CEP350: variants seen among roughly 807,000 people sequenced by gnomAD.
The protein encoded by CEP350 is centrosomal protein 350, also known as centrosome-associated protein 350.
In CEP350, 126 loss-of-function variants were observed where a neutral mutation model predicts 331.8. The observed-to-expected ratio is 0.38, with a 90% CI of 0.33 to 0.44. CEP350 has a LOEUF of 0.44. Among genes scored for constraint, CEP350 ranks in the 20% least tolerant of loss-of-function variants. The pLI, the probability that CEP350 is intolerant of heterozygous loss-of-function variation, is 1.00. For missense variants in CEP350, 3,406 were observed against 3,634.6 expected (o/e 0.94, Z 1.62); for synonymous variants, 1,200 against 1,259.5 (o/e 0.95, Z 1.00).
At chr1:179,955,275 G>A (rs1650082947) in intron 1 of CEP350, 133 bp downstream of exon 1, 6 of 949,288 alleles carry the variant, frequency 6.3e-6, no homozygotes, top group East Asian at 2.0e-4. Context: ...CCTGCTTGGC[G>A]TCCCCCTCGG....
chr1:180,105,939 A>G lies in CEP350; in HGVS notation c.9190-5058A>G, dbSNP rs948139961. On this transcript the variant is annotated intron_variant, in intron 37 of 37. Transcript: ENST00000367607. ...ATAAAATGCAAATAATTTTTTAGAC[A>G]TAAAGGCCTCTGTTAGCCAAATGAG... 3.3e-5 allele frequency among the ~76,000 whole-genome samples: 5 copies of G among 152,358 alleles called. No homozygotes were observed. The South Asian group carries it at 1.0e-3, about 32-fold the overall frequency.
rs35572192 is a variant in CEP350, at chr1:180,063,186, C to CTTT, written c.5409+839_5409+841dup. Among the ~76,000 whole-genome samples the CTTT allele has an allele frequency of 2.0e-3, 216 of 106,926 alleles. 1 individual carries two copies. The highest frequency in any genetic ancestry group is 4.6e-3 in the East Asian group (16 of 3,496). The allele number at this position is 106,926 out of a possible 152,430, so 70.1% of individuals were successfully genotyped here. On this transcript the variant is annotated intron_variant, in intron 26 of 37. Coordinates refer to ENST00000367607, the MANE Select transcript of CEP350 (RefSeq NM_014810.5). ...TATTAGACAAAAACAAAATTTGAAA[C>CTTT]TTTTTTTTTTTTTTTTTTTTTGGAG...
Position 180,019,934 on chromosome 1 carries a change from G to T in CEP350, c.2175-15G>T. On this transcript the variant is annotated splice_polypyrimidine_tract_variant and intron_variant, in intron 11 of 37. Coordinates refer to ENST00000367607, the MANE Select transcript of CEP350 (RefSeq NM_014810.5). The stretch of plus-strand genomic sequence containing the variant: ...GTGGTTTAGTTAACTAACATATTGT[G>T]ACTTTCATTTCCAGAAAAGACTTGA... 6.4e-7 allele frequency: 1 copy of T among 1,553,822 alleles called. No homozygotes were observed. Among genetic ancestry groups the T allele is most frequent in the South Asian group, 1.2e-5 (1 of 80,410 alleles).
At chr1:180,010,521 C>G (rs1381068422) in intron 8 of CEP350, among the ~76,000 whole-genome samples, 1 of 149,740 alleles carries the variant, frequency 6.7e-6, no homozygotes, top group Non-Finnish European at 1.5e-5. Flanking sequence ...AAAAATGTTA[C>G]AATAATTTAA....
chr1:180,037,047 A>C lies in CEP350; in HGVS notation c.4068A>C (p.Ser1356=). The C allele has an allele frequency of 6.2e-7, 1 of 1,605,686 alleles. No homozygotes were observed. Among genetic ancestry groups the C allele is most frequent in the South Asian group, 1.1e-5 (1 of 89,072 alleles). Reference sequence around the variant, plus strand: ...ATGTAGAAAGAGTTAGAGGCATTTCACTTGCTCAGCAGGAGAGTGTGTCTC... The same window carrying C: ...ATGTAGAAAGAGTTAGAGGCATTTCCCTTGCTCAGCAGGAGAGTGTGTCTC... The part of the protein sequence containing the change: ...LSDVERVRGI[S]LAQQESVSLA... The change falls in exon 17 of 38, where the codon TCA becomes TCC. Residue 1356 remains serine, a synonymous_variant. Transcript: ENST00000367607.
rs568617101 is a variant in CEP350, at chr1:180,093,801, A to G, written c.7696A>G (p.Ile2566Val). 3.1e-6 allele frequency: 5 copies of G among 1,613,860 alleles called. No homozygotes were observed. The highest frequency in any genetic ancestry group is 4.2e-6 in the Non-Finnish European group (5 of 1,179,870). ...IFAPPQKISH[I>V]PENFDDYVDI... ...TGCTCCTCCTCAAAAAATATCTCAC[A>G]TTCCAGAAAACTTTGATGACTATGT... is the stretch of plus-strand genomic sequence containing the variant. The change falls in exon 34 of 38, where the codon ATT becomes GTT. Residue 2566 changes from isoleucine to valine, a missense_variant. By Grantham distance (29) the Ile-to-Val change is conservative. Coordinates refer to ENST00000367607, the MANE Select transcript of CEP350 (RefSeq NM_014810.5).
At chr1:180,052,256 C>T in intron 22 of CEP350, 1 of 451,964 alleles carries the variant, frequency 2.2e-6, no homozygotes, top group South Asian at 1.6e-5. Context: ...CCAGGCTGGT[C>T]TCGAACTCCT....
In CEP350 at chr1:180,020,313, G is replaced by A; in HGVS notation, c.2539G>A (p.Ala847Thr). The A allele has an allele frequency of 6.2e-7, 1 of 1,613,990 alleles. No homozygotes were observed. The highest frequency in any genetic ancestry group is 8.5e-7 in the Non-Finnish European group (1 of 1,179,900). Residue 847 changes from alanine to threonine, a missense_variant, in exon 12 of 38, where the codon GCT (alanine) becomes ACT (threonine). Physicochemically the swap from Ala to Thr is moderately conservative, Grantham distance 58. Coordinates refer to ENST00000367607, the MANE Select transcript of CEP350 (RefSeq NM_014810.5). ...SRIESEAKKL[A>T]GASINYGSAW... ...AATTGAAAGTGAAGCCAAGAAATTAGCTGGGGCCAGCATTAACTATGGGTC... is the reference window on the plus strand; with the variant it reads ...AATTGAAAGTGAAGCCAAGAAATTAACTGGGGCCAGCATTAACTATGGGTC...
In CEP350 at chr1:180,093,668, T is replaced by G; in HGVS notation, c.7563T>G (p.Phe2521Leu). ...TTCGATTCAAAGGTGAGACTAGTTTTGCTAAAGGATTTTGGGCCGGAGTGG... is the reference window on the plus strand; with the variant it reads ...TTCGATTCAAAGGTGAGACTAGTTTGGCTAAAGGATTTTGGGCCGGAGTGG... ...GILRFKGETS[F>L]AKGFWAGVEL... Residue 2521 changes from phenylalanine (F) to leucine (L), a missense_variant, in exon 34 of 38, where the codon TTT becomes TTG. Coordinates refer to ENST00000367607, the MANE Select transcript of CEP350 (RefSeq NM_014810.5). The G allele has an allele frequency of 6.2e-7, 1 of 1,614,002 alleles. No homozygotes were observed. The highest frequency in any genetic ancestry group is 8.5e-7 in the Non-Finnish European group (1 of 1,179,870).
At chr1:180,030,280 C>T (rs201156984) in intron 14 of CEP350, among the ~76,000 whole-genome samples, 14 of 128,548 alleles carry the variant, frequency 1.1e-4, no homozygotes, top group East Asian at 6.3e-4. Flanking sequence ...AAAATTTTAA[C>T]GTATATATAC....
intron 32 of CEP350, among the ~76,000 whole-genome samples, chr1:180,088,724 C>G (rs1558151222): frequency 2.0e-5 from 3 of 152,150 alleles, no homozygotes; most frequent in Admixed American, 2.0e-4. Context: ...TATTTAACCG[C>G]TCTGTGCTTC....
intron 25 of CEP350, 68 bp from the exon 26 acceptor site, chr1:180,062,152 T>G (rs1658265461): frequency 7.4e-7 from 1 of 1,344,072 alleles, no homozygotes; most frequent in East Asian, 2.8e-5. Context: ...GCTGATTTTT[T>G]TTTTAAATAT....
At chr1:180,079,996 A>G (rs1659462591) in intron 29 of CEP350, among the ~76,000 whole-genome samples, 2 of 152,194 alleles carry the variant, frequency 1.3e-5, no homozygotes, top group Admixed American at 6.5e-5. Flanking sequence ...TCCCCAAGCT[A>G]GGAAATTTGC....
intron 6 of CEP350, among the ~76,000 whole-genome samples, chr1:180,002,657 G>A (rs1653944340): frequency 6.6e-6 from 1 of 152,050 alleles, no homozygotes; most frequent in Non-Finnish European, 1.5e-5. Context: ...GTTCATAGCA[G>A]CATTGTTAAT....
At position 179,994,457 on chromosome 1, in the gene CEP350, T is replaced by G. The variant is rs1287662451; in HGVS notation, c.396-2096T>G. 4.0e-5 allele frequency among the ~76,000 whole-genome samples: 4 copies of G among 100,818 alleles called. No homozygotes were observed. The East Asian group carries it at 9.3e-4, about 23-fold the overall frequency. The allele number at this position is 100,818 out of a possible 152,430, so 66.1% of individuals were successfully genotyped here. A position where few individuals can be genotyped will look rare whatever the true frequency, so the allele number is the denominator to read the frequency against. Reference sequence around the variant, plus strand: ...TTTTCTTTTCTTTTTTCTTTCTTTCTTTTTTTTTTTTTTTGAGACAGTGTC... The same window carrying G: ...TTTTCTTTTCTTTTTTCTTTCTTTCGTTTTTTTTTTTTTTGAGACAGTGTC... On this transcript the variant is annotated intron_variant, in intron 5 of 37. Transcript: ENST00000367607.
chr1:180,096,238 A>C, intron 36 of CEP350, 54 bp downstream of exon 36: 3 of 1,498,842 alleles, frequency 2.0e-6, no homozygotes, highest in Non-Finnish European at 2.7e-6. Flanking sequence ...TCATTTACAC[A>C]TATCTGTAAA....
At position 180,036,935 on chromosome 1, in the gene CEP350, G is replaced by A. The variant is rs576978069; in HGVS notation, c.3956G>A (p.Arg1319His). 1.4e-5 allele frequency: 22 copies of A among 1,568,632 alleles called. No homozygotes were observed. In the East Asian group the frequency reaches 3.0e-4, roughly 21 times the overall value. ...TTGTCATGCCTTCCAGGTTCTAAGC[G>A]CTTTTCTCCTGCTGGCCTCCATCAT... The part of the protein sequence containing the change: ...ENMAPIPGSK[R>H]FSPAGLHHRM... Residue 1319 changes from arginine to histidine, a missense_variant, in exon 17 of 38, where the codon CGC (arginine) becomes CAC (histidine). Physicochemically the swap from Arg to His is conservative, Grantham distance 29 (BLOSUM62 0). This residue lies in a region of CEP350 where 1,857 missense variants were observed against 1,909.2 expected (regional missense o/e 0.97). Transcript: ENST00000367607.
At chr1:180,008,311 T>C (rs533066982) in intron 8 of CEP350, among the ~76,000 whole-genome samples, 1 of 152,290 alleles carries the variant, frequency 6.6e-6, no homozygotes, top group South Asian at 2.1e-4. Flanking sequence ...AATGAGCTAA[T>C]TTTAGTGTGC....
At position 180,098,974 on chromosome 1, in the gene CEP350, G is replaced by A; in HGVS notation, c.9178G>A (p.Asp3060Asn). The change falls in exon 37 of 38, where the codon GAT (aspartate) becomes AAT (asparagine). Residue 3060 changes from aspartate (D) to asparagine (N), a missense_variant. Coordinates refer to ENST00000367607, the MANE Select transcript of CEP350 (RefSeq NM_014810.5). ...TGGAAGAAAGAAAAGAGACCGAGTG[G>A]ATCATATCCTGGTCAGTGTATACAA... ...KFGRKKRDRVDHILVQELHEE... is the reference protein window; with the variant it reads ...KFGRKKRDRVNHILVQELHEE... 1.9e-6 allele frequency: 3 copies of A among 1,613,256 alleles called. No homozygotes were observed. The highest frequency in any genetic ancestry group is 2.5e-6 in the Non-Finnish European group (3 of 1,179,610).
Sources: allele counts gnomAD v4.1 joint callset (sites outside exome capture counted in the v4.1 genomes callset), GRCh38; gene constraint gnomAD v4.1.1; regional missense constraint gnomAD v4.1.1; transcripts MANE v1.5; gene names NCBI Gene and HGNC (gene_info 2026-07-23, HGNC 2026-07-21).